The following PLXNA1 variants were observed in gnomAD, a reference collection of about 807,000 sequenced individuals.
PLXNA1 encodes the protein plexin-A1.
PLXNA1 carries 77 observed loss-of-function variants against 191.7 expected under a neutral mutation model. The observed-to-expected ratio is 0.40, with a 90% CI of 0.33 to 0.49. PLXNA1 has a LOEUF of 0.49. PLXNA1 is among the 20% of genes least tolerant of loss of function. The pLI is 0.63. For synonymous variants in PLXNA1, 1,137 were observed against 1,156.4 expected (o/e 0.98, Z 0.34); for missense variants, 2,110 against 2,660.2 (o/e 0.79, Z 4.55).
Position 127,014,029 on chromosome 3 carries a change from G to C in PLXNA1, c.2323G>C (p.Glu775Gln), listed in dbSNP as rs771186212. Reference sequence around the variant, plus strand: ...TGCCATCACCTAACAGTACTCCTACGAGGGGAACGATGTCAGCGACCTGCC... The same window carrying C: ...TGCCATCACCTAACAGTACTCCTACCAGGGGAACGATGTCAGCGACCTGCC... ...LQCQNSSYSY[E>Q]GNDVSDLPVN... is the part of the protein sequence containing the mutation. The change falls in exon 11 of 32, where the codon GAG becomes CAG. Residue 775 changes from glutamate to glutamine, a missense_variant. This residue lies in a region of PLXNA1 where 644 missense variants were observed against 714.3 expected (regional missense o/e 0.90). Transcript: ENST00000393409. The C allele has an allele frequency of 1.2e-6, 2 of 1,613,754 alleles. No individual in the cohort carries two copies. Among genetic ancestry groups the C allele is most frequent in the East Asian group, 2.2e-5 (1 of 44,864 alleles).
At chr3:126,986,387 C>G (rs994982017) in intron 1 of PLXNA1, among the ~76,000 whole-genome samples, 11 of 152,214 alleles carry the variant, frequency 7.2e-5, no homozygotes, top group Non-Finnish European at 1.0e-4. Context: ...GCAGTTCCTG[C>G]TCTGGGATTC....
At chr3:127,005,987 G>A in intron 7 of PLXNA1, 92 bp from the exon 8 acceptor site, 1 of 912,990 alleles carries the variant, frequency 1.1e-6, no homozygotes, top group Non-Finnish European at 1.8e-6. Context: ...AGCTAGGAGG[G>A]TCTCCGGGCA....
intron 23 of PLXNA1, among the ~76,000 whole-genome samples, chr3:127,025,884 T>A (rs1054496372): frequency 2.3e-4 from 35 of 152,354 alleles, no homozygotes; most frequent in Admixed American, 6.5e-4. Flanking sequence ...AAACTCTTTT[T>A]AAACAACCCA....
chr3:126,999,928 G>A (rs2079031725), intron 3 of PLXNA1, among the ~76,000 whole-genome samples: 4 of 152,090 alleles, frequency 2.6e-5, no homozygotes, highest in South Asian at 4.1e-4. Flanking sequence ...GGGTCGACTC[G>A]CCCGTGTGCA....
At chr3:127,004,103 T>C (rs919112819) in intron 4 of PLXNA1, among the ~76,000 whole-genome samples, 1 of 152,194 alleles carries the variant, frequency 6.6e-6, no homozygotes, top group African/African-American at 2.4e-5. Flanking sequence ...GGCTGGCTCG[T>C]TTTTCCTCTG....
intron 20 of PLXNA1, 24 bp from the exon 21 acceptor site, chr3:127,020,178 C>T (rs1401680928): frequency 1.2e-6 from 2 of 1,610,170 alleles, no homozygotes; most frequent in East Asian, 2.2e-5. Flanking sequence ...GGCATGCTGC[C>T]CCTGACGCCG....
chr3:127,023,982 C>G (rs2079165164), intron 23 of PLXNA1, among the ~76,000 whole-genome samples: 1 of 152,126 alleles, frequency 6.6e-6, no homozygotes, highest in African/African-American at 2.4e-5. Flanking sequence ...CAGTCCCTGG[C>G]ACCTAGTAAG....
In PLXNA1 at chr3:127,015,286, G is replaced by T. The variant is rs1295518362; in HGVS notation, c.2980G>T (p.Val994Leu). ...CCTGAACGCAGGCAGTGATGTGGCT[G>T]TGTCGGTCGGTGGCCGGCCCTGCTC... ...SHLNAGSDVAVSVGGRPCSFS... is the reference protein window; with the variant it reads ...SHLNAGSDVALSVGGRPCSFS... Residue 994 changes from valine (V) to leucine (L), a missense_variant, in exon 15 of 32, where the codon GTG (valine) becomes TTG (leucine). Around this residue, in one of 4 missense-constraint regions of PLXNA1, gnomAD observed 644 missense variants for 714.3 expected, o/e 0.90. Coordinates refer to ENST00000393409, the MANE Select transcript of PLXNA1 (RefSeq NM_032242.4). 7 of 1,610,992 alleles carry T rather than the reference G, an allele frequency of 4.3e-6. No homozygotes were observed. The highest frequency in any genetic ancestry group is 1.3e-5 in the African/African-American group (1 of 74,894).
At position 127,032,503 on chromosome 3, in the gene PLXNA1, C is replaced by T. The variant is rs2079216552; in HGVS notation, c.5348C>T (p.Ser1783Phe). 6.2e-7 allele frequency: 1 copy of T among 1,614,080 alleles called. No individual in the cohort carries two copies. Residue 1783 changes from serine (S) to phenylalanine (F), a missense_variant, in exon 30 of 32, where the codon TCC becomes TTC. By Grantham distance (155) the Ser-to-Phe change is radical. This residue lies in a region of PLXNA1 where 559 missense variants were observed against 911.5 expected (regional missense o/e 0.61). Transcript: ENST00000393409. ...LSVVAQTFMD[S>F]CSTSEHKLGK... The stretch of plus-strand genomic sequence containing the variant: ...GTGGTGGCCCAGACCTTCATGGACT[C>T]CTGCTCCACCTCTGAGCACAAGCTG...
chr3:127,019,154 C>T (rs1174304624), intron 20 of PLXNA1, among the ~76,000 whole-genome samples: 1 of 151,276 alleles, frequency 6.6e-6, no homozygotes, highest in Non-Finnish European at 1.5e-5. Context: ...GTTCAGGGCT[C>T]TAGGGGGCAG....
intron 3 of PLXNA1, 57 bp from the exon 4 acceptor site, chr3:127,003,273 G>T: frequency 6.7e-7 from 1 of 1,501,590 alleles, no homozygotes. Flanking sequence ...TGTGGGGGGT[G>T]GGGCTGGGTC....
chr3:127,007,346 G>A (rs1053105555), intron 8 of PLXNA1, among the ~76,000 whole-genome samples: 5 of 152,246 alleles, frequency 3.3e-5, no homozygotes, highest in African/African-American at 1.2e-4. Context: ...TCTGCAGGGA[G>A]GTGATGTGCA....
At chr3:126,993,724 C>T (rs1316740267) in intron 3 of PLXNA1, among the ~76,000 whole-genome samples, 1 of 152,234 alleles carries the variant, frequency 6.6e-6, no homozygotes, top group African/African-American at 2.4e-5. Context: ...GCAGAGTCTG[C>T]AGTCGGGGAC....
At chr3:127,000,689 C>T (rs1335981252) in intron 3 of PLXNA1, among the ~76,000 whole-genome samples, 1 of 152,232 alleles carries the variant, frequency 6.6e-6, no homozygotes, top group African/African-American at 2.4e-5. Flanking sequence ...CTTGGCTGCA[C>T]AGGCCCTTCA....
At chr3:127,011,020 GC>G (rs949227569) in intron 9 of PLXNA1, among the ~76,000 whole-genome samples, 1 of 152,184 alleles carries the variant, frequency 6.6e-6, no homozygotes, top group Non-Finnish European at 1.5e-5. Flanking sequence ...GCCCACGGTG[GC>G]CCGTGTCACG....
At position 126,989,326 on chromosome 3, in the gene PLXNA1, T is replaced by G; in HGVS notation, c.733T>G (p.Tyr245Asp). The change falls in exon 2 of 32, where the codon TAC (tyrosine) becomes GAC (aspartate). Residue 245 changes from tyrosine (Y) to aspartate (D), a missense_variant. Physicochemically the swap from Tyr to Asp is radical, Grantham distance 160 (BLOSUM62 -3). Coordinates refer to ENST00000393409, the MANE Select transcript of PLXNA1 (RefSeq NM_032242.4). Reference sequence around the variant, plus strand: ...GTCCAAGTTCCCGGCCTTTGACATCTACTATGTGTACAGCTTCCGCAGCGA... The same window carrying G: ...GTCCAAGTTCCCGGCCTTTGACATCGACTATGTGTACAGCTTCCGCAGCGA... ...TLSKFPAFDI[Y>D]YVYSFRSEQF... 3 of 1,613,664 alleles carry G rather than the reference T, an allele frequency of 1.9e-6. No homozygotes were observed. The highest frequency in any genetic ancestry group is 2.5e-6 in the Non-Finnish European group (3 of 1,180,042).
intron 3 of PLXNA1, among the ~76,000 whole-genome samples, chr3:127,002,311 C>A (rs995541551): frequency 1.3e-5 from 2 of 152,220 alleles, no homozygotes; most frequent in African/African-American, 4.8e-5. Context: ...TGGCCGGCGG[C>A]GCTCAGGAAT....
At chr3:127,018,779 T>C (rs1423350717) in intron 20 of PLXNA1, among the ~76,000 whole-genome samples, 1 of 152,190 alleles carries the variant, frequency 6.6e-6, no homozygotes, top group Non-Finnish European at 1.5e-5. Flanking sequence ...ACTGTTTGCA[T>C]TTGTATCCCA....
intron 15 of PLXNA1, 130 bp downstream of exon 15, chr3:127,015,450 G>A: frequency 8.1e-7 from 1 of 1,238,220 alleles, no homozygotes; most frequent in Non-Finnish European, 1.1e-6. Context: ...GTGAAACCCA[G>A]AGGCGGAGGT....
Sources: gnomAD v4.1 joint callset for allele counts (sites outside exome capture counted in the v4.1 genomes callset) on GRCh38, gnomAD v4.1.1 for gene constraint, gnomAD v4.1.1 regional missense constraint, MANE v1.5 for transcripts, NCBI Gene and HGNC (gene_info 2026-07-23, HGNC 2026-07-21) for gene names.